The following PDXDC1 variants were observed in gnomAD, a reference collection of about 807,000 sequenced individuals.
The protein encoded by PDXDC1 is pyridoxal dependent decarboxylase domain containing 1, also known as pyridoxal-dependent decarboxylase domain-containing protein 1.
In PDXDC1, 42 loss-of-function variants were observed where a neutral mutation model predicts 100.1. The ratio of observed to expected loss-of-function variants is 0.42; its 90% CI spans 0.33 to 0.54. The LOEUF is 0.54. PDXDC1 is among the 20% of genes least tolerant of loss of function. The pLI is 0.10. For missense variants in PDXDC1, 636 were observed against 979.2 expected (o/e 0.65, Z 4.68); for synonymous variants, 260 against 371.7 (o/e 0.70, Z 3.46).
At chr16:15,127,893 G>A (rs530408627) in intron 16 of PDXDC1, 26 of 1,533,416 alleles carry the variant, frequency 1.7e-5, no homozygotes, top group South Asian at 1.2e-4. Context: ...ACAGGGCTGC[G>A]TGACCTAGAA....
intron 16 of PDXDC1, chr16:15,135,689 G>T (rs1032539564): frequency 1.9e-6 from 3 of 1,594,916 alleles, no homozygotes; most frequent in Non-Finnish European, 2.6e-6. Context: ...ACTGAGCGGC[G>T]TCTGGTCGCC....
downstream of PDXDC1, chr16:15,040,215 G>A (rs907577283): frequency 6.3e-5 from 28 of 446,786 alleles, 1 homozygote; most frequent in Non-Finnish European, 4.8e-5. Flanking sequence ...CTCCCTGGAG[G>A]GGGAAAATGC....
At chr16:15,084,556 A>G (rs2045838617) in intron 16 of PDXDC1, 7 of 945,810 alleles carry the variant, frequency 7.4e-6, no homozygotes, top group Non-Finnish European at 1.1e-5. Context: ...CTCAAGCTTT[A>G]ATACTATTAA....
intron 16 of PDXDC1, among the ~76,000 whole-genome samples, chr16:15,132,339 C>CGG (rs1416865352): frequency 1.2e-3 from 16 of 12,808 alleles, no homozygotes; most frequent in Non-Finnish European, 1.9e-3. Flanking sequence ...GGGGAGGGGG[C>CGG]AGGGGCTAGG....
downstream of PDXDC1, chr16:15,041,751 C>G (rs2043824807): frequency 9.3e-7 from 1 of 1,079,124 alleles, no homozygotes; most frequent in South Asian, 1.2e-5. Flanking sequence ...AGCAAGCCAA[C>G]GACAGGGAGG....
chr16:14,978,471 C>T (rs1333110170), intron 1 of PDXDC1, among the ~76,000 whole-genome samples: 12 of 152,302 alleles, frequency 7.9e-5, no homozygotes, highest in African/African-American at 2.2e-4. Context: ...CTCACTGCAA[C>T]GTCCGTCTCC....
At chr16:15,041,696 A>C (rs565245548), downstream of PDXDC1, 26 of 1,587,946 alleles carry the variant, frequency 1.6e-5, no homozygotes, top group South Asian at 2.2e-4. Context: ...GAATTTTAAG[A>C]CCAGAAGTCA....
chr16:15,036,334 T>C lies in PDXDC1; in HGVS notation c.*59T>C, dbSNP rs781230056. On this transcript the variant is annotated 3_prime_UTR_variant, in exon 23 of 23. Coordinates refer to ENST00000396410, the MANE Select transcript of PDXDC1 (RefSeq NM_015027.4). ...TTGTTTCAGGGAAGATGAAGTTCTA[T>C]TGGAAATGTGAACTGTGCCACATAC... 3.4e-6 allele frequency: 5 copies of C among 1,456,834 alleles called. No homozygotes were observed. The highest frequency in any genetic ancestry group is 2.0e-5 in the Admixed American group (1 of 50,154). 90.2% of individuals were successfully genotyped at this position (1,456,834 alleles called of 1,614,324 possible).
downstream of PDXDC1, among the ~76,000 whole-genome samples, chr16:15,039,070 C>CCAAA (rs1446116157): frequency 6.6e-6 from 1 of 152,184 alleles, no homozygotes; most frequent in African/African-American, 2.4e-5. Context: ...TATTTATACC[C>CCAAA]CAAACAACTG....
chr16:15,033,250 A>G, intron 18 of PDXDC1, 28 bp from the exon 19 acceptor site: 1 of 1,613,588 alleles, frequency 6.2e-7, no homozygotes, highest in Non-Finnish European at 8.5e-7. Flanking sequence ...GGACTGAGAA[A>G]CTCAAGTTTG....
chr16:15,050,364 T>C (rs2044247137), intron 16 of PDXDC1, among the ~76,000 whole-genome samples: 1 of 152,224 alleles, frequency 6.6e-6, no homozygotes, highest in African/African-American at 2.4e-5. Flanking sequence ...AAGACAGTTT[T>C]GCAGTCTTAG....
At chr16:15,000,212 AATT>A (rs1384718241) in intron 3 of PDXDC1, among the ~76,000 whole-genome samples, 3 of 152,294 alleles carry the variant, frequency 2.0e-5, no homozygotes, top group Admixed American at 2.0e-4. Flanking sequence ...CAGCATCTGT[AATT>A]CTCAGCCTTA....
At chr16:15,015,862 A>G (rs947406381) in intron 8 of PDXDC1, 7 of 715,598 alleles carry the variant, frequency 9.8e-6, no homozygotes, top group Admixed American at 7.0e-5. Flanking sequence ...CTCATGAGTC[A>G]GCAGATCAAG....
At chr16:15,095,754 G>A (rs781682159) in intron 16 of PDXDC1, among the ~76,000 whole-genome samples, 2 of 151,946 alleles carry the variant, frequency 1.3e-5, no homozygotes, top group Non-Finnish European at 2.9e-5. Flanking sequence ...GGAGGCCGAG[G>A]CAGGAGAATA....
At chr16:15,123,337 C>T (rs141289237) in intron 16 of PDXDC1, 88,745 of 1,186,758 alleles carry the variant, frequency 0.075, 5,056 homozygotes, top group East Asian at 0.18. Flanking sequence ...TGCTTCTGGG[C>T]GCTCCTTCCT....
At chr16:15,149,685 A>C in the PDXDC1 span, among the ~76,000 whole-genome samples, 1 of 152,190 alleles carries the variant, frequency 6.6e-6, no homozygotes, top group South Asian at 2.1e-4. Flanking sequence ...CAGTGAACCA[A>C]GCACCTACCA....
chr16:15,063,695 ACT>A (rs975693107), intron 16 of PDXDC1, among the ~76,000 whole-genome samples: 2 of 114,802 alleles, frequency 1.7e-5, no homozygotes, highest in Non-Finnish European at 3.5e-5. Context: ...ACAGAGCAAG[ACT>A]CTGTCTCAAA....
the PDXDC1 span, among the ~76,000 whole-genome samples, chr16:15,144,490 G>A: frequency 6.6e-6 from 1 of 152,164 alleles, no homozygotes; most frequent in Non-Finnish European, 1.5e-5. Context: ...GGCCCCACGA[G>A]GGGTGGGGGT....
At chr16:15,148,539 C>T in the PDXDC1 span, among the ~76,000 whole-genome samples, 2 of 151,514 alleles carry the variant, frequency 1.3e-5, no homozygotes, top group Non-Finnish European at 2.9e-5. Flanking sequence ...CACACCACCA[C>T]GCCCGGCCAA....
Sources: allele counts gnomAD v4.1 joint callset (sites outside exome capture counted in the v4.1 genomes callset), GRCh38; gene constraint gnomAD v4.1.1; transcripts MANE v1.5; gene names NCBI Gene and HGNC (gene_info 2026-07-23, HGNC 2026-07-21).